The following PDE11A variants were observed in gnomAD, a reference collection of about 807,000 sequenced individuals.
The protein encoded by PDE11A is dual 3',5'-cyclic-AMP and -GMP phosphodiesterase 11A.
PDE11A carries 100 observed loss-of-function variants against 100.5 expected under a neutral mutation model. The ratio of observed to expected loss-of-function variants is 1.00; its 90% CI spans 0.85 to 1.18. The LOEUF is 1.18. Among genes scored for constraint, PDE11A ranks in the 50% most tolerant of loss-of-function variants. PDE11A has a pLI of 0.00. For synonymous variants in PDE11A, 381 were observed against 420.8 expected (o/e 0.91, Z 1.16); for missense variants, 1,141 against 1,152.6 (o/e 0.99, Z 0.15).
At chr2:177,784,189 A>G (rs1307811606) in intron 9 of PDE11A, among the ~76,000 whole-genome samples, 2 of 94,126 alleles carry the variant, frequency 2.1e-5, no homozygotes, top group Admixed American at 1.8e-4. Context: ...GTTTCACAAG[A>G]TACAGACCAC....
In PDE11A at chr2:177,856,943, T is replaced by C. The variant is rs114131007; in HGVS notation, c.1368-16560A>G. Among the ~76,000 whole-genome samples, 1,104 of 152,094 alleles carry C rather than the reference T, an allele frequency of 7.3e-3. 13 individuals carry two copies. Among genetic ancestry groups the C allele is most frequent in the African/African-American group, 0.025 (1,028 of 41,542 alleles). ...TTGAAATAAACATTAATCTACACAT[T>C]AAAGGAGCTCAATAAACTACAAGTA... On this transcript the variant is annotated intron_variant, in intron 5 of 19. Coordinates refer to ENST00000286063, the MANE Select transcript of PDE11A (RefSeq NM_016953.4).
rs777556697 is a variant in PDE11A at position 177,817,877 on chromosome 2, G to T, written c.1625C>A (p.Ala542Glu). 13 of 1,530,294 alleles carry T rather than the reference G, an allele frequency of 8.5e-6. No homozygotes were observed. The highest frequency in any genetic ancestry group is 1.2e-5 in the Non-Finnish European group (13 of 1,105,498). 94.8% of individuals were successfully genotyped at this position (1,530,294 alleles called of 1,614,324 possible). A position where few individuals can be genotyped will look rare whatever the true frequency, so the allele number is the denominator to read the frequency against. ...TCTTACCTCAAAAAGTCGTTGATCTGCATCATCAAAAGGTTTCCCATCAAG... is the reference window on the plus strand; with the variant it reads ...TCTTACCTCAAAAAGTCGTTGATCTTCATCATCAAAAGGTTTCCCATCAAG... ...NRLDGKPFDD[A>E]DQRLFEAFVI... Residue 542 changes from alanine (A) to glutamate (E), a missense_variant, in exon 8 of 20, where the codon GCA becomes GAA. Ala to Glu is a moderately radical substitution (Grantham distance 107, BLOSUM62 -1). Coordinates refer to ENST00000286063, the MANE Select transcript of PDE11A (RefSeq NM_016953.4).
chr2:178,107,808 G>A (rs1038015710), intron 1 of PDE11A, among the ~76,000 whole-genome samples: 2 of 139,588 alleles, frequency 1.4e-5, no homozygotes, highest in African/African-American at 2.7e-5. Flanking sequence ...TGCAACCTCC[G>A]CTTCCCGGGT....
chr2:178,105,825 A>T, intron 1 of PDE11A: 1 of 556,392 alleles, frequency 1.8e-6, no homozygotes, highest in Non-Finnish European at 2.6e-6. Context: ...GACCTTGGCC[A>T]GATTTCTGCA....
At chr2:177,692,533 C>G (rs909466257) in intron 15 of PDE11A, among the ~76,000 whole-genome samples, 1 of 152,076 alleles carries the variant, frequency 6.6e-6, no homozygotes, top group Non-Finnish European at 1.5e-5. Context: ...AAGAGAGATC[C>G]GACTCTCAAA....
chr2:177,901,383 T>C (rs2084696236), intron 3 of PDE11A, among the ~76,000 whole-genome samples: 1 of 152,178 alleles, frequency 6.6e-6, no homozygotes, highest in African/African-American at 2.4e-5. Flanking sequence ...AAAACTCTGA[T>C]CCAGGGAGAC....
chr2:177,947,356 C>G (rs970212412), intron 2 of PDE11A, among the ~76,000 whole-genome samples: 42 of 151,126 alleles, frequency 2.8e-4, no homozygotes, highest in African/African-American at 1.0e-3. Flanking sequence ...ATTGAGAAAT[C>G]GGATGGTTGC....
At chr2:177,792,365 T>C (rs2082645175) in intron 9 of PDE11A, among the ~76,000 whole-genome samples, 2 of 152,236 alleles carry the variant, frequency 1.3e-5, no homozygotes, top group South Asian at 4.1e-4. Flanking sequence ...CTTATATAAC[T>C]AGAACTTTTA....
intron 2 of PDE11A, among the ~76,000 whole-genome samples, chr2:177,919,639 G>A (rs1370837311): frequency 6.6e-6 from 1 of 151,274 alleles, no homozygotes; most frequent in Non-Finnish European, 1.5e-5. Context: ...AGTTATAATG[G>A]GTATTAAAGA....
intron 10 of PDE11A, among the ~76,000 whole-genome samples, chr2:177,750,041 A>G (rs2082005267): frequency 6.6e-6 from 1 of 152,236 alleles, no homozygotes; most frequent in South Asian, 2.1e-4. Flanking sequence ...GCTCAGTAAA[A>G]TACAAATCAC....
chr2:177,645,808 T>C (rs1466980055), intron 19 of PDE11A, among the ~76,000 whole-genome samples: 2 of 152,226 alleles, frequency 1.3e-5, no homozygotes, highest in African/African-American at 2.4e-5. Flanking sequence ...ATGATGTTTG[T>C]AGCATCAATG....
At position 177,842,520 on chromosome 2, in the gene PDE11A, A is replaced by G. The variant is rs146377295; in HGVS notation, c.1368-2137T>C. Reference sequence around the variant, plus strand: ...GTGAGGCCTTGACCAAGTTGCTGAGACCTTAGTTATAGGCAATGGAGAACT... The same window carrying G: ...GTGAGGCCTTGACCAAGTTGCTGAGGCCTTAGTTATAGGCAATGGAGAACT... On this transcript the variant is annotated intron_variant, in intron 5 of 19. Coordinates refer to ENST00000286063, the MANE Select transcript of PDE11A (RefSeq NM_016953.4). Among the ~76,000 whole-genome samples the G allele has an allele frequency of 1.0e-3, 152 of 152,328 alleles. 1 individual carries two copies. Among genetic ancestry groups the G allele is most frequent in the African/African-American group, 3.4e-3 (143 of 41,570 alleles).
intron 13 of PDE11A, among the ~76,000 whole-genome samples, chr2:177,709,408 G>A (rs2081325760): frequency 6.6e-6 from 1 of 152,174 alleles, no homozygotes; most frequent in Non-Finnish European, 1.5e-5. Context: ...CTGCAGGGTA[G>A]GCTGGGTGAC....
intron 1 of PDE11A, among the ~76,000 whole-genome samples, chr2:178,107,988 G>C (rs2087641525): frequency 6.6e-6 from 1 of 152,108 alleles, no homozygotes; most frequent in African/African-American, 2.4e-5. Context: ...CCAAAATGCT[G>C]GGATTAGAGG....
intron 10 of PDE11A, among the ~76,000 whole-genome samples, chr2:177,746,807 G>A (rs1475391165): frequency 6.6e-6 from 1 of 152,192 alleles, no homozygotes; most frequent in Non-Finnish European, 1.5e-5. Flanking sequence ...GAGAGGGGAA[G>A]AGGGGAGGAA....
At chr2:177,960,074 A>C (rs1301013524) in intron 2 of PDE11A, among the ~76,000 whole-genome samples, 1 of 152,122 alleles carries the variant, frequency 6.6e-6, no homozygotes, top group Non-Finnish European at 1.5e-5. Context: ...AGGATTGATG[A>C]GCAATCACTG....
At chr2:177,935,009 A>G (rs968736089) in intron 2 of PDE11A, among the ~76,000 whole-genome samples, 1 of 152,196 alleles carries the variant, frequency 6.6e-6, no homozygotes, top group African/African-American at 2.4e-5. Flanking sequence ...TACTATGCTC[A>G]GTACCTGAGT....
At chr2:178,047,924 G>T (rs1156810701) in intron 1 of PDE11A, among the ~76,000 whole-genome samples, 9 of 152,126 alleles carry the variant, frequency 5.9e-5, no homozygotes, top group African/African-American at 2.2e-4. Context: ...GCCCCTTCTT[G>T]CTCCCAGGCC....
intron 2 of PDE11A, among the ~76,000 whole-genome samples, chr2:177,912,362 C>T (rs1359898046): frequency 2.0e-5 from 3 of 152,144 alleles, no homozygotes; most frequent in Non-Finnish European, 4.4e-5. Context: ...GCTAAAATAT[C>T]CCCAGGAGGC....
Sources: allele counts gnomAD v4.1 joint callset (sites outside exome capture counted in the v4.1 genomes callset), GRCh38; gene constraint gnomAD v4.1.1; transcripts MANE v1.5; gene names NCBI Gene and HGNC (gene_info 2026-07-23, HGNC 2026-07-21).